The following SPON1 variants were observed in gnomAD, a reference collection of about 807,000 sequenced individuals.
SPON1 encodes spondin 1.
Under a neutral mutation model 111.7 loss-of-function variants are expected in SPON1, and 52 were observed. That is an observed-to-expected ratio of 0.47 (90% confidence interval 0.37 to 0.59). The LOEUF (loss-of-function observed/expected upper bound fraction) is 0.59. Ranked by LOEUF, SPON1 falls within the 20% of genes least tolerant of loss-of-function variation. The pLI is 0.00. For missense variants in SPON1, 957 were observed against 1,068.5 expected (o/e 0.90, Z 1.46); for synonymous variants, 410 against 395.8 (o/e 1.04, Z -0.43).
rs75037988 is a variant in SPON1 at position 14,159,631 on chromosome 11, C to T, written c.825+24063C>T. Among the ~76,000 whole-genome samples, 1,246 of 152,058 alleles carry T rather than the reference C, an allele frequency of 8.2e-3. 13 individuals are homozygous for T. Among genetic ancestry groups the T allele is most frequent in the African/African-American group, 0.028 (1,161 of 41,470 alleles). ...CACAATAGCCGCAATTTGGAAATGA[C>T]CAAAGTGTCCATCAACAGATGAATG... On this transcript the variant is annotated intron_variant, in intron 6 of 15. Transcript: ENST00000576479.
At chr11:13,989,676 GGCATTT>G (rs1216611600) in intron 2 of SPON1, among the ~76,000 whole-genome samples, 2 of 152,016 alleles carry the variant, frequency 1.3e-5, no homozygotes, top group Non-Finnish European at 1.5e-5. Context: ...TTCTCTTGTG[GGCATTT>G]AGTGCTATAA....
chr11:14,090,823 G>T (rs1849045741), intron 5 of SPON1, among the ~76,000 whole-genome samples: 2 of 27,050 alleles, frequency 7.4e-5, no homozygotes, highest in Non-Finnish European at 5.9e-5. Flanking sequence ...TCTCTTATCT[G>T]GCCCCCCCCC....
At chr11:14,122,707 A>C (rs1554926624) in intron 5 of SPON1, among the ~76,000 whole-genome samples, 2 of 152,176 alleles carry the variant, frequency 1.3e-5, no homozygotes, top group Non-Finnish European at 2.9e-5. Flanking sequence ...TTCACTTCTG[A>C]AATTTCCATC....
intron 3 of SPON1, among the ~76,000 whole-genome samples, chr11:14,047,571 C>T (rs1848677795): frequency 6.6e-6 from 1 of 151,818 alleles, no homozygotes; most frequent in Non-Finnish European, 1.5e-5. Flanking sequence ...TAATGGGGGA[C>T]AAATTAAACA....
intron 5 of SPON1, among the ~76,000 whole-genome samples, chr11:14,087,111 A>ATTT (rs144396390): frequency 6.6e-6 from 1 of 151,468 alleles, no homozygotes; most frequent in African/African-American, 2.4e-5. Flanking sequence ...GGATTCACTG[A>ATTT]TTTTTTTTAA....
intron 5 of SPON1, among the ~76,000 whole-genome samples, chr11:14,090,481 C>T (rs1332690570): frequency 6.6e-6 from 1 of 152,126 alleles, no homozygotes; most frequent in Non-Finnish European, 1.5e-5. Flanking sequence ...GAGTCTGTCT[C>T]TTCTGATGTT....
At position 14,041,507 on chromosome 11, in the gene SPON1, C is replaced by T; in HGVS notation, c.346-14C>T. The stretch of plus-strand genomic sequence containing the variant: ...TGATGTTGCATGTATTTATTTCCCA[C>T]TGGTTTTCCGTAGATCATAGACGAA... On this transcript the variant is annotated splice_polypyrimidine_tract_variant and intron_variant, in intron 2 of 15. Transcript: ENST00000576479. The T allele has an allele frequency of 6.2e-7, 1 of 1,613,188 alleles. No individual in the cohort carries two copies. The highest frequency in any genetic ancestry group is 8.5e-7 in the Non-Finnish European group (1 of 1,179,396).
At chr11:14,148,967 C>T (rs1013928857) in intron 6 of SPON1, among the ~76,000 whole-genome samples, 2 of 152,238 alleles carry the variant, frequency 1.3e-5, no homozygotes, top group African/African-American at 2.4e-5. Flanking sequence ...CAACGACAGA[C>T]TGCATCCATG....
At chr11:14,145,933 A>G (rs1847711974) in intron 6 of SPON1, among the ~76,000 whole-genome samples, 1 of 152,162 alleles carries the variant, frequency 6.6e-6, no homozygotes, top group Admixed American at 6.5e-5. Flanking sequence ...CAGTGTGTAT[A>G]GCTTGATTCC....
At chr11:14,245,770 A>G (rs911603120) in intron 7 of SPON1, among the ~76,000 whole-genome samples, 2 of 152,108 alleles carry the variant, frequency 1.3e-5, no homozygotes, top group African/African-American at 4.8e-5. Context: ...CTCCCTAAGG[A>G]AGCTCACACC....
At chr11:14,013,940 G>A (rs1034017658) in intron 2 of SPON1, among the ~76,000 whole-genome samples, 2 of 152,196 alleles carry the variant, frequency 1.3e-5, no homozygotes, top group African/African-American at 4.8e-5. Context: ...GAAAAAGAAA[G>A]TCAAAGCCTG....
In SPON1 at chr11:14,130,369, G is replaced by A. The variant is rs570588966; in HGVS notation, c.677-5051G>A. Among the ~76,000 whole-genome samples the A allele has an allele frequency of 4.6e-4, 70 of 152,114 alleles. 3 individuals carry two copies. The highest frequency in any genetic ancestry group is 1.8e-4 in the Non-Finnish European group (12 of 68,038). On this transcript the variant is annotated intron_variant, in intron 5 of 15. Coordinates refer to ENST00000576479, the MANE Select transcript of SPON1 (RefSeq NM_006108.4). ...CTTGGTGGTAAATGGCATTGGAAAA[G>A]GGGGAAACATGATCAAAAGTTCCTC...
intron 2 of SPON1, among the ~76,000 whole-genome samples, chr11:14,020,473 G>A (rs551161607): frequency 4.6e-5 from 7 of 152,196 alleles, no homozygotes; most frequent in Non-Finnish European, 7.3e-5. Flanking sequence ...GTTGGTAGGC[G>A]TGCAAATTAA....
chr11:14,029,194 C>T (rs1848540714), intron 2 of SPON1, among the ~76,000 whole-genome samples: 1 of 152,098 alleles, frequency 6.6e-6, no homozygotes. Flanking sequence ...GTACTTGAGG[C>T]TCCCAAGCCA....
intron 6 of SPON1, among the ~76,000 whole-genome samples, chr11:14,211,871 G>T (rs1371672818): frequency 6.6e-6 from 1 of 151,352 alleles, no homozygotes; most frequent in Non-Finnish European, 1.5e-5. Flanking sequence ...TGTCCTTTAA[G>T]TCTTTTGCAG....
At chr11:14,055,404 C>T (rs1848737820) in intron 3 of SPON1, among the ~76,000 whole-genome samples, 1 of 152,180 alleles carries the variant, frequency 6.6e-6, no homozygotes, top group African/African-American at 2.4e-5. Context: ...CTAGACAGAA[C>T]TAAAGATGTA....
chr11:14,031,225 G>A (rs1284042665), intron 2 of SPON1, among the ~76,000 whole-genome samples: 3 of 152,172 alleles, frequency 2.0e-5, no homozygotes, highest in African/African-American at 7.2e-5. Context: ...AATGGGGAAA[G>A]GTCTGAAAGA....
At chr11:14,059,864 C>T (rs1023403220) in intron 3 of SPON1, among the ~76,000 whole-genome samples, 10 of 152,278 alleles carry the variant, frequency 6.6e-5, no homozygotes, top group South Asian at 6.2e-4. Flanking sequence ...AATACAGATG[C>T]TTCTGCTAAT....
At chr11:14,109,149 T>G (rs1161896962) in intron 5 of SPON1, among the ~76,000 whole-genome samples, 1 of 152,170 alleles carries the variant, frequency 6.6e-6, no homozygotes, top group East Asian at 1.9e-4. Flanking sequence ...TTTACAACTC[T>G]TTGTGCCCTT....
Sources: allele counts gnomAD v4.1 joint callset (sites outside exome capture counted in the v4.1 genomes callset), GRCh38; gene constraint gnomAD v4.1.1; transcripts MANE v1.5; gene names NCBI Gene and HGNC (gene_info 2026-07-23, HGNC 2026-07-21).